Variants in PRDM11 observed in about 807,000 individuals in gnomAD.
PRDM11 encodes PR domain-containing protein 11.
A neutral mutation model predicts 97.8 loss-of-function variants in PRDM11; 20 were observed. The observed-to-expected ratio is 0.20, with a 90% confidence interval of 0.14 to 0.30. PRDM11 has a LOEUF of 0.30. PRDM11 is among the 10% of genes least tolerant of loss of function. The probability of loss-of-function intolerance (pLI) is 1.00; values close to 1 mark genes in which losing one functional copy is unlikely to be tolerated. For synonymous variants in PRDM11, 599 were observed against 637.7 expected (o/e 0.94, Z 0.91); for missense variants, 1,139 against 1,555.2 (o/e 0.73, Z 4.50).
Position 45,224,264 on chromosome 11 carries a change from C to T in PRDM11, c.790C>T (p.Pro264Ser). ...REKSEQVLDN[P>S]EDLRGPIHLS... ...GAAGTCTGAGCAGGTTCTGGATAACCCAGAAGACCTGAGGGGTCCCATTCA... is the reference window on the plus strand; with the variant it reads ...GAAGTCTGAGCAGGTTCTGGATAACTCAGAAGACCTGAGGGGTCCCATTCA... Residue 264 changes from proline to serine, a missense_variant, in exon 7 of 8, where the codon CCA becomes TCA. Around this residue, in one of 2 missense-constraint regions of PRDM11, gnomAD observed 429 missense variants for 510.3 expected, o/e 0.84. Transcript: ENST00000683152. The T allele has an allele frequency of 6.2e-7, 1 of 1,612,336 alleles. No individual in the cohort carries two copies. The highest frequency in any genetic ancestry group is 8.5e-7 in the Non-Finnish European group (1 of 1,179,358).
chr11:45,221,521 C>A (rs181104152), intron 6 of PRDM11, among the ~76,000 whole-genome samples: 2 of 152,232 alleles, frequency 1.3e-5, no homozygotes, highest in Admixed American at 1.3e-4. Context: ...TTGCATTCTT[C>A]TGGATTTGTG....
upstream of PRDM11, among the ~76,000 whole-genome samples, chr11:45,094,529 AAG>A (rs1851857575): frequency 2.1e-5 from 3 of 145,074 alleles, no homozygotes; most frequent in Admixed American, 1.4e-4. Context: ...GCAGGAAGAA[AAG>A]AGGGAGAGAG....
At chr11:45,225,357 C>T (rs1854249044) in intron 7 of PRDM11, among the ~76,000 whole-genome samples, 2 of 152,176 alleles carry the variant, frequency 1.3e-5, no homozygotes, top group Non-Finnish European at 2.9e-5. Context: ...CATTCACCTG[C>T]ATGGCTTTGC....
chr11:45,107,625 G>A (rs1041541296), intron 1 of PRDM11, among the ~76,000 whole-genome samples: 3 of 152,084 alleles, frequency 2.0e-5, no homozygotes, highest in Non-Finnish European at 4.4e-5. Context: ...GTTGAGTGGG[G>A]GACAGGGCAG....
At chr11:45,210,410 G>T (rs1853685908) in intron 5 of PRDM11, among the ~76,000 whole-genome samples, 1 of 152,220 alleles carries the variant, frequency 6.6e-6, no homozygotes, top group African/African-American at 2.4e-5. Flanking sequence ...GCAGAAGGGG[G>T]AGCACTAAAG....
At chr11:45,169,351 C>T (rs944372284) in intron 1 of PRDM11, among the ~76,000 whole-genome samples, 5 of 152,258 alleles carry the variant, frequency 3.3e-5, no homozygotes, top group Non-Finnish European at 7.3e-5. Flanking sequence ...GGAGCATCAA[C>T]TGTCACAGCC....
chr11:45,145,227 G>A (rs1010153084), upstream of PRDM11, among the ~76,000 whole-genome samples: 2 of 152,192 alleles, frequency 1.3e-5, no homozygotes, highest in African/African-American at 2.4e-5. Flanking sequence ...GCTCAGAGAG[G>A]TGAAGCCAGT....
intron 1 of PRDM11, among the ~76,000 whole-genome samples, chr11:45,171,716 G>A (rs937282795): frequency 3.3e-5 from 5 of 152,214 alleles, no homozygotes; most frequent in African/African-American, 1.2e-4. Flanking sequence ...ATGGCTCATG[G>A]CTGCAGGTGA....
chr11:45,119,837 G>GCAGTGA (rs920727594), intron 1 of PRDM11, among the ~76,000 whole-genome samples: 12 of 152,028 alleles, frequency 7.9e-5, no homozygotes, highest in Admixed American at 7.2e-4. Context: ...GCAGCATCTG[G>GCAGTGA]CAGTGACAGT....
intron 5 of PRDM11, chr11:45,209,254 C>G (rs1332873138): frequency 2.6e-5 from 10 of 386,346 alleles, no homozygotes; most frequent in South Asian, 1.7e-4. Context: ...CGCGGCTTCC[C>G]CAGGGCGGAA....
chr11:45,095,388 C>A (rs1851875211), upstream of PRDM11, among the ~76,000 whole-genome samples: 1 of 152,192 alleles, frequency 6.6e-6, no homozygotes, highest in Admixed American at 6.5e-5. Context: ...TGGCCTTGCT[C>A]CCCGCTGCTA....
rs779042704 is a variant in PRDM11 at position 45,099,105 on chromosome 11, G to C, written c.96+3204G>C. Among the ~76,000 whole-genome samples the C allele has an allele frequency of 4.1e-4, 62 of 152,152 alleles. 1 individual carries two copies. Among genetic ancestry groups the C allele is most frequent in the Non-Finnish European group, 4.1e-4 (28 of 68,026 alleles). Reference sequence around the variant, plus strand: ...GGGAGGGAAGGCTAGACTGGGGCAGGGGCAGTGGAGCAGCAGGAATGGCAC... The same window carrying C: ...GGGAGGGAAGGCTAGACTGGGGCAGCGGCAGTGGAGCAGCAGGAATGGCAC... On this transcript the variant is annotated intron_variant, in intron 1 of 6. Transcript: ENST00000530656.
chr11:45,163,953 T>C (rs540840832), intron 1 of PRDM11, among the ~76,000 whole-genome samples: 3 of 152,136 alleles, frequency 2.0e-5, no homozygotes, highest in South Asian at 4.2e-4. Flanking sequence ...ATGGAGAACC[T>C]GAGGTTTGGC....
chr11:45,164,572 G>A (rs1050420768), intron 1 of PRDM11, among the ~76,000 whole-genome samples: 3 of 152,238 alleles, frequency 2.0e-5, no homozygotes, highest in African/African-American at 4.8e-5. Flanking sequence ...TGGGAGGGCC[G>A]TCCTCAGGAC....
chr11:45,133,985 C>T lies in PRDM11; in HGVS notation c.96+38084C>T, dbSNP rs77046428. ...CCCTGAAGGGCAATCTCTCTGCCAG[C>T]CTTTGCCCTCTGCAGCTGGGTGAAG... On this transcript the variant is annotated intron_variant, in intron 1 of 6. Coordinates refer to the PRDM11 transcript ENST00000530656. 5.3e-3 allele frequency among the ~76,000 whole-genome samples: 811 copies of T among 152,330 alleles called. 4 individuals are homozygous for T. Among genetic ancestry groups the T allele is most frequent in the African/African-American group, 0.019 (776 of 41,560 alleles).
rs551430522 is a variant in PRDM11, at chr11:45,155,565, C to T, written c.-7+8688C>T. On this transcript the variant is annotated intron_variant, in intron 1 of 7. Coordinates refer to ENST00000683152, the MANE Select transcript of PRDM11 (RefSeq NM_001384648.1). ...GGGCCAGGGGTGCCCCTCTTTAGGC[C>T]GGCTGTGTTCCAAGAGAAAGAAAGA... Among the ~76,000 whole-genome samples, 3 of 151,892 alleles carry T rather than the reference C, an allele frequency of 2.0e-5. No homozygotes were observed. In the South Asian group the frequency reaches 6.2e-4, roughly 32 times the overall value.
intron 1 of PRDM11, among the ~76,000 whole-genome samples, chr11:45,101,349 A>C (rs181068121): frequency 1.6e-4 from 24 of 152,258 alleles, no homozygotes; most frequent in Non-Finnish European, 3.1e-4. Context: ...CGAGGTCAGG[A>C]GATCGAGACC....
intron 5 of PRDM11, chr11:45,214,218 A>C: frequency 6.2e-6 from 1 of 160,346 alleles, no homozygotes; most frequent in Non-Finnish European, 1.4e-5. Context: ...TTCATGTTTC[A>C]TGTTGGAGTG....
chr11:45,101,443 C>T (rs1227819219), intron 1 of PRDM11, among the ~76,000 whole-genome samples: 1 of 151,986 alleles, frequency 6.6e-6, no homozygotes, highest in Non-Finnish European at 1.5e-5. Flanking sequence ...GTAGTCCCAG[C>T]CACTCAGGAG....
Sources: allele counts gnomAD v4.1 joint callset (sites outside exome capture counted in the v4.1 genomes callset), GRCh38; gene constraint gnomAD v4.1.1; regional missense constraint gnomAD v4.1.1; transcripts MANE v1.5; gene names NCBI Gene and HGNC (gene_info 2026-07-23, HGNC 2026-07-21).